Variants in LCORL observed in about 807,000 individuals in gnomAD.
LCORL encodes the protein ligand-dependent nuclear receptor corepressor-like protein.
In LCORL, 41 loss-of-function variants were observed where a neutral mutation model predicts 141.8. That is an observed-to-expected ratio of 0.29 (90% CI 0.23 to 0.38). LCORL has a LOEUF of 0.38. LCORL is among the 10% of genes least tolerant of loss of function. LCORL has a pLI of 1.00. For synonymous variants in LCORL, 618 were observed against 694.1 expected (o/e 0.89, Z 1.72); for missense variants, 1,759 against 2,035.0 (o/e 0.86, Z 2.61).
chr4:18,012,098 G>A (rs1296029590), intron 1 of LCORL, among the ~76,000 whole-genome samples: 1 of 152,226 alleles, frequency 6.6e-6, no homozygotes, highest in African/African-American at 2.4e-5. Context: ...CTTGGGGGAA[G>A]TACTTTGGAA....
chr4:17,917,649 C>G (rs1234306889), intron 4 of LCORL, among the ~76,000 whole-genome samples: 7 of 152,168 alleles, frequency 4.6e-5, no homozygotes, highest in Admixed American at 2.6e-4. Flanking sequence ...ATCAGGAAAA[C>G]AGCTAGGAAA....
intron 4 of LCORL, 88 bp downstream of exon 4, chr4:17,961,815 C>A: frequency 2.0e-6 from 2 of 987,076 alleles, no homozygotes; most frequent in Non-Finnish European, 1.5e-6. Flanking sequence ...AGTAGAGAGA[C>A]TGACATATAA....
intron 4 of LCORL, among the ~76,000 whole-genome samples, chr4:17,929,132 G>A (rs1735608012): frequency 6.6e-6 from 1 of 152,076 alleles, no homozygotes; most frequent in Middle Eastern, 3.4e-3. Flanking sequence ...ACATAATAAA[G>A]ACTTAAAATA....
intron 4 of LCORL, among the ~76,000 whole-genome samples, chr4:17,933,811 C>CTGGTA (rs1736422553): frequency 6.6e-6 from 1 of 152,004 alleles, no homozygotes; most frequent in Non-Finnish European, 1.5e-5. Context: ...AACCCTTATG[C>CTGGTA]TGGTATGGTA....
chr4:17,861,961 T>C (rs1004435539), intron 7 of LCORL, among the ~76,000 whole-genome samples: 3 of 152,194 alleles, frequency 2.0e-5, no homozygotes, highest in African/African-American at 7.2e-5. Context: ...GCTATCAGGC[T>C]TTTGGTCAAA....
intron 4 of LCORL, among the ~76,000 whole-genome samples, chr4:17,950,103 T>C (rs1739484286): frequency 6.6e-6 from 1 of 152,104 alleles, no homozygotes; most frequent in African/African-American, 2.4e-5. Flanking sequence ...AGTGTAAAGA[T>C]GATATTAAGC....
rs370165708 is a variant in LCORL at position 18,021,051 on chromosome 4, C to T, written c.154+547G>A. The stretch of plus-strand genomic sequence containing the variant: ...CCCTCGCCCCCAGCCGGCCCATCAG[C>T]GGCCCCCGCCCTGCGAGTGCCCGTG... On this transcript the variant is annotated intron_variant, in intron 1 of 7. Transcript: ENST00000635767. The surrounding 1 kb of genome is among the most constrained non-coding windows in gnomAD (Gnocchi z 5.5). Among the ~76,000 whole-genome samples, 38 of 152,200 alleles carry T rather than the reference C, an allele frequency of 2.5e-4. 1 individual carries two copies. In the South Asian group the frequency reaches 3.7e-3, roughly 15 times the overall value.
At chr4:17,842,300 T>TATC (rs1438926422) in exon 8 of LCORL, 21 of 1,610,234 alleles carry the variant, frequency 1.3e-5, no homozygotes, top group Middle Eastern at 1.6e-4. Flanking sequence ...TGAATTATAC[T>TATC]ATCTTCAAGG....
At position 17,876,815 on chromosome 4, in the gene LCORL, G is replaced by A. The variant is rs1726971595; in HGVS notation, c.2175C>T (p.Ser725=). Residue 725 remains serine (S), a synonymous_variant, in exon 7 of 8, where the codon TCC becomes TCT. Coordinates refer to ENST00000635767, the Ensembl canonical transcript of LCORL. ...GCTTTCTTATGCTCATTTTCTCAGG[G>A]GAAGTTGTTTTAAAGCTTTCTGAAA... The A allele has an allele frequency of 3.3e-6, 4 of 1,230,564 alleles. No individual in the cohort carries two copies. In the East Asian group the frequency reaches 9.5e-5, roughly 29 times the overall value. 76.2% of individuals were successfully genotyped at this position (1,230,564 alleles called of 1,614,324 possible). A position where few individuals can be genotyped will look rare whatever the true frequency, so the allele number is the denominator to read the frequency against.
intron 1 of LCORL, among the ~76,000 whole-genome samples, chr4:17,995,161 T>C (rs148163510): frequency 4.3e-4 from 66 of 152,200 alleles, no homozygotes; most frequent in Middle Eastern, 3.4e-3. Context: ...TAGTGCTTTT[T>C]CAATTTATTT....
chr4:17,909,081 CA>C lies in LCORL; in HGVS notation c.682+12del, dbSNP rs781077907. 5.1e-6 allele frequency: 8 copies of C among 1,573,982 alleles called. No homozygotes were observed. Among genetic ancestry groups the C allele is most frequent in the South Asian group, 1.2e-5 (1 of 82,716 alleles). ...CATCAAATTATATATTAAATGCACACAAAAAATCTTACCTTGCTGAGTATTT... is the reference window on the plus strand; with the variant it reads ...CATCAAATTATATATTAAATGCACACAAAAATCTTACCTTGCTGAGTATTT... On this transcript the variant is annotated intron_variant, in intron 5 of 7. Coordinates refer to ENST00000635767, the Ensembl canonical transcript of LCORL.
At chr4:17,943,348 A>G (rs1317220943) in intron 4 of LCORL, among the ~76,000 whole-genome samples, 4 of 152,212 alleles carry the variant, frequency 2.6e-5, no homozygotes, top group African/African-American at 9.6e-5. Flanking sequence ...TTCACTCTTC[A>G]AAGGGAATAA....
At chr4:17,842,758 T>C in exon 8 of LCORL, 1 of 173,308 alleles carries the variant, frequency 5.8e-6, no homozygotes, top group South Asian at 1.4e-4. Flanking sequence ...TGTGGTAGAG[T>C]GTTTTATTTT....
At chr4:17,877,602 G>A in exon 7 of LCORL, 1 of 1,230,588 alleles carries the variant, frequency 8.1e-7, no homozygotes, top group Non-Finnish European at 1.0e-6. Flanking sequence ...ATTTTCTAAG[G>A]CTGAAATCTC....
chr4:18,003,734 G>C (rs1220568135), intron 1 of LCORL, among the ~76,000 whole-genome samples: 1 of 152,140 alleles, frequency 6.6e-6, no homozygotes, highest in Non-Finnish European at 1.5e-5. Context: ...AAAGCTACAG[G>C]GATCTAAGAC....
intron 4 of LCORL, among the ~76,000 whole-genome samples, chr4:17,917,519 G>A (rs1733642383): frequency 6.6e-6 from 1 of 152,230 alleles, no homozygotes; most frequent in Non-Finnish European, 1.5e-5. Flanking sequence ...CAATGCAAGA[G>A]CAGCTTAATG....
chr4:18,005,070 A>G (rs1056269526), intron 1 of LCORL, among the ~76,000 whole-genome samples: 6 of 152,066 alleles, frequency 3.9e-5, no homozygotes, highest in Non-Finnish European at 8.8e-5. Context: ...GGTGCCTGCC[A>G]CCACACCCAG....
intron 7 of LCORL, among the ~76,000 whole-genome samples, chr4:17,872,028 A>G (rs1726396527): frequency 2.0e-5 from 3 of 152,052 alleles, no homozygotes; most frequent in Admixed American, 2.0e-4. Flanking sequence ...TTAATATAAG[A>G]CCTGATACTA....
intron 6 of LCORL, chr4:17,882,727 G>A (rs886875030): frequency 1.0e-6 from 1 of 984,044 alleles, no homozygotes. Context: ...ATATATTAAA[G>A]TTACACTGAG....
Sources: gnomAD v4.1 joint callset for allele counts (sites outside exome capture counted in the v4.1 genomes callset) on GRCh38, gnomAD v4.1.1 for gene constraint, Gnocchi (gnomAD v3.1) non-coding constraint, MANE v1.5 for transcripts, NCBI Gene and HGNC (gene_info 2026-07-23, HGNC 2026-07-21) for gene names.